The following RTTN variants were observed in gnomAD, a reference collection of about 807,000 sequenced individuals.
The protein encoded by RTTN is rotatin.
Under a neutral mutation model 269.2 loss-of-function variants are expected in RTTN, and 182 were observed. The observed-to-expected ratio is 0.68, with a 90% CI of 0.60 to 0.76. The LOEUF is 0.76. Ranked by LOEUF, RTTN falls within the 30% of genes least tolerant of loss-of-function variation. The pLI, the probability that RTTN is intolerant of heterozygous loss-of-function variation, is 0.00. For missense variants in RTTN, 2,545 were observed against 2,608.6 expected (o/e 0.98, Z 0.53); for synonymous variants, 1,006 against 963.5 (o/e 1.04, Z -0.82).
rs1434799071 is a variant in RTTN at position 70,188,283 on chromosome 18, G to A, written c.1190-60C>T. On this transcript the variant is annotated intron_variant, in intron 9 of 48. Transcript: ENST00000640769. The stretch of plus-strand genomic sequence containing the variant: ...AAGTTACTTAACTTTAAAATAATCA[G>A]CTGAATATCATATTGCTCAATTTTC... 10 of 902,096 alleles carry A rather than the reference G, an allele frequency of 1.1e-5. No individual in the cohort carries two copies. In the East Asian group the frequency reaches 1.5e-4, roughly 13 times the overall value. 55.9% of individuals were successfully genotyped at this position (902,096 alleles called of 1,614,324 possible). A position where few individuals can be genotyped will look rare whatever the true frequency, so the allele number is the denominator to read the frequency against.
chr18:70,072,378 A>C (rs2058319114), intron 34 of RTTN, among the ~76,000 whole-genome samples: 1 of 152,180 alleles, frequency 6.6e-6, no homozygotes, highest in African/African-American at 2.4e-5. Flanking sequence ...TCTGTGTTAC[A>C]TTCAAACACA....
intron 3 of RTTN, among the ~76,000 whole-genome samples, chr18:70,203,204 CT>C (rs779044111): frequency 0.011 from 1,529 of 145,534 alleles, 10 homozygotes; most frequent in Middle Eastern, 0.024. Context: ...AGAAAGTGTT[CT>C]TTTTTTTTTT....
chr18:70,192,418 T>C (rs1369346274), intron 8 of RTTN, among the ~76,000 whole-genome samples: 1 of 152,178 alleles, frequency 6.6e-6, no homozygotes, highest in East Asian at 1.9e-4. Flanking sequence ...TGGTGACTCA[T>C]GTCTGTAATC....
At chr18:70,109,789 A>G (rs2059415782) in intron 27 of RTTN, 72 bp from the exon 28 acceptor site, 1 of 1,204,716 alleles carries the variant, frequency 8.3e-7, no homozygotes, top group Middle Eastern at 2.5e-4. Flanking sequence ...CTTACTGGCT[A>G]TAAAAGGTTA....
intron 40 of RTTN, among the ~76,000 whole-genome samples, chr18:70,037,681 G>C (rs547570432): frequency 6.6e-6 from 1 of 152,124 alleles, no homozygotes; most frequent in Non-Finnish European, 1.5e-5. Context: ...CAGCACATTC[G>C]CAGCTGTGGT....
intron 11 of RTTN, among the ~76,000 whole-genome samples, chr18:70,175,868 T>C (rs2169348): frequency 0.73 from 110,309 of 152,080 alleles, 46,714 homozygotes; most frequent in East Asian, 1. Flanking sequence ...GAAACTATTG[T>C]TTGTATTCTG....
rs144550794 is a variant in RTTN, at chr18:70,061,034, T to C, written c.4748-992A>G. Among the ~76,000 whole-genome samples, 4 of 152,302 alleles carry C rather than the reference T, an allele frequency of 2.6e-5. No individual in the cohort carries two copies. The East Asian group carries it at 7.7e-4, about 29-fold the overall frequency. On this transcript the variant is annotated intron_variant, in intron 35 of 48. Transcript: ENST00000640769. ...TTAGACTGATTCCCTATCTTGGCTA[T>C]CACGAATGGCGTTGCAATCAACATG...
intron 14 of RTTN, among the ~76,000 whole-genome samples, chr18:70,162,921 A>T (rs1188370042): frequency 2.0e-5 from 3 of 148,696 alleles, no homozygotes; most frequent in Non-Finnish European, 4.5e-5. Context: ...CTAATGAAAG[A>T]TTACATGAAA....
intron 14 of RTTN, among the ~76,000 whole-genome samples, chr18:70,161,342 T>A (rs1329380688): frequency 6.6e-6 from 1 of 152,076 alleles, no homozygotes; most frequent in Non-Finnish European, 1.5e-5. Flanking sequence ...TATATAAAAA[T>A]CAACTCAAAA....
At chr18:70,104,605 G>C (rs1411994154) in intron 28 of RTTN, among the ~76,000 whole-genome samples, 1 of 152,156 alleles carries the variant, frequency 6.6e-6, no homozygotes, top group African/African-American at 2.4e-5. Flanking sequence ...TTTCTGCTCT[G>C]TTTTTTCCCC....
chr18:70,104,555 T>C (rs907814812), intron 28 of RTTN, among the ~76,000 whole-genome samples: 1 of 152,256 alleles, frequency 6.6e-6, no homozygotes, highest in Non-Finnish European at 1.5e-5. Flanking sequence ...TGTGTTCCTC[T>C]GCAGGAGAAG....
Position 70,024,806 on chromosome 18 carries a change from G to A in RTTN, c.5866C>T (p.Leu1956Phe). 2 of 1,614,078 alleles carry A rather than the reference G, an allele frequency of 1.2e-6. No homozygotes were observed. The highest frequency in any genetic ancestry group is 1.7e-6 in the Non-Finnish European group (2 of 1,179,918). Residue 1956 changes from leucine (L) to phenylalanine (F), a missense_variant, in exon 44 of 49, where the codon CTC becomes TTC. By Grantham distance (22) the Leu-to-Phe change is conservative. Coordinates refer to ENST00000640769, the MANE Select transcript of RTTN (RefSeq NM_173630.4). ...TCATCCATCAAAATCCAAGGCCAGA[G>A]AGAGTGCAAGACAGGGACAAGGTGA... is the stretch of plus-strand genomic sequence containing the variant. The part of the protein sequence containing the change: ...EAHLVPVLHS[L>F]WPWILMDDSL...
chr18:70,138,868 C>T (rs1382500726), intron 21 of RTTN: 1 of 152,046 alleles, frequency 6.6e-6, no homozygotes, highest in African/African-American at 2.4e-5. Flanking sequence ...AGATGAAGCA[C>T]ATTCAGATGC....
chr18:70,095,622 C>T (rs952221608), intron 28 of RTTN, among the ~76,000 whole-genome samples: 1 of 152,146 alleles, frequency 6.6e-6, no homozygotes, highest in African/African-American at 2.4e-5. Context: ...TATAGGCCCC[C>T]ACTCTCTTCT....
At chr18:70,186,259 C>T (rs1423370237) in intron 10 of RTTN, among the ~76,000 whole-genome samples, 2 of 152,168 alleles carry the variant, frequency 1.3e-5, no homozygotes, top group Admixed American at 6.5e-5. Context: ...AATGAATAAA[C>T]TACAGTAAGC....
At chr18:70,161,454 AAG>A (rs2060828379) in intron 14 of RTTN, among the ~76,000 whole-genome samples, 1 of 152,202 alleles carries the variant, frequency 6.6e-6, no homozygotes, top group African/African-American at 2.4e-5. Flanking sequence ...TCTCCAAAAA[AAG>A]CAATTGCAAC....
chr18:70,018,612 A>G (rs2056610224), intron 45 of RTTN, among the ~76,000 whole-genome samples: 1 of 152,224 alleles, frequency 6.6e-6, no homozygotes, highest in Non-Finnish European at 1.5e-5. Flanking sequence ...CTGAGTGTTA[A>G]GAATGAAATG....
rs1162953952 is a variant in RTTN, at chr18:70,139,731, A to T, written c.2671-15T>A. On this transcript the variant is annotated splice_polypyrimidine_tract_variant and intron_variant, in intron 20 of 48. Transcript: ENST00000640769. ...CATTCTACAACCTGGGCCAGGAGGA[A>T]AAACACAGCTTTTCATTTTCACCAA... is the stretch of plus-strand genomic sequence containing the variant. 1 of 1,465,168 alleles carries T rather than the reference A, an allele frequency of 6.8e-7. No individual in the cohort carries two copies. Among genetic ancestry groups the T allele is most frequent in the Non-Finnish European group, 9.5e-7 (1 of 1,047,302 alleles). The allele number at this position is 1,465,168 out of a possible 1,614,324, so 90.8% of individuals were successfully genotyped here.
At chr18:70,191,587 A>C (rs1001720000) in intron 8 of RTTN, among the ~76,000 whole-genome samples, 1 of 152,220 alleles carries the variant, frequency 6.6e-6, no homozygotes, top group Non-Finnish European at 1.5e-5. Flanking sequence ...TTTCTTCATT[A>C]AAAAGTTCTT....
Sources: allele counts gnomAD v4.1 joint callset (sites outside exome capture counted in the v4.1 genomes callset), GRCh38; gene constraint gnomAD v4.1.1; transcripts MANE v1.5; gene names NCBI Gene and HGNC (gene_info 2026-07-23, HGNC 2026-07-21).